SCGN: variants seen among roughly 807,000 people sequenced by gnomAD.
SCGN encodes the protein secretagogin, EF-hand calcium binding protein.
A neutral mutation model predicts 39.7 loss-of-function variants in SCGN; 30 were observed. The ratio of observed to expected loss-of-function variants is 0.76; its 90% CI spans 0.57 to 1.03. The LOEUF (loss-of-function observed/expected upper bound fraction) is 1.03. Among genes scored for constraint, SCGN ranks in the 50% least tolerant of loss-of-function variants. SCGN has a pLI of 0.00. For synonymous variants in SCGN, 106 were observed against 114.1 expected (o/e 0.93, Z 0.45); for missense variants, 353 against 349.4 (o/e 1.01, Z -0.08).
At chr6:25,673,889 T>C (rs746542395) in intron 6 of SCGN, among the ~76,000 whole-genome samples, 6 of 152,130 alleles carry the variant, frequency 3.9e-5, no homozygotes, top group Non-Finnish European at 8.8e-5. Context: ...GGCATCTGCT[T>C]TGCTTCTGAG....
rs993944860 is a variant in SCGN at position 25,652,347 on chromosome 6, C to G, written c.-57C>G. 1 of 1,374,438 alleles carries G rather than the reference C, an allele frequency of 7.3e-7. No homozygotes were observed. Among genetic ancestry groups the G allele is most frequent in the African/African-American group, 1.4e-5 (1 of 70,010 alleles). The allele number at this position is 1,374,438 out of a possible 1,614,324, so 85.1% of individuals were successfully genotyped here. On this transcript the variant is annotated 5_prime_UTR_variant, in exon 1 of 11. Transcript: ENST00000377961. ...AGTCAAGAAATACGGTGAAGGAGTC[C>G]TTCCCAAAGTTGTCTAGGTCCTTCC...
intron 6 of SCGN, among the ~76,000 whole-genome samples, chr6:25,677,907 A>G (rs1759586413): frequency 6.6e-6 from 1 of 152,194 alleles, no homozygotes; most frequent in Non-Finnish European, 1.5e-5. Context: ...TGTTTAAGAA[A>G]ATATCTATTG....
chr6:25,655,721 T>C (rs148553721), intron 2 of SCGN, among the ~76,000 whole-genome samples: 4 of 152,188 alleles, frequency 2.6e-5, no homozygotes, highest in Non-Finnish European at 4.4e-5. Flanking sequence ...TTAAATACAT[T>C]TGGGGTCTGC....
At position 25,681,255 on chromosome 6, in the gene SCGN, T is replaced by C. The variant is rs541960446; in HGVS notation, c.472-696T>C. Reference sequence around the variant, plus strand: ...GGAAAGACTCAGTGTCAACACCTTTTGCCTTCACGGAAACATGAGGTTTCT... The same window carrying C: ...GGAAAGACTCAGTGTCAACACCTTTCGCCTTCACGGAAACATGAGGTTTCT... On this transcript the variant is annotated intron_variant, in intron 6 of 10. Coordinates refer to ENST00000377961, the MANE Select transcript of SCGN (RefSeq NM_006998.4). Among the ~76,000 whole-genome samples, 3 of 152,326 alleles carry C rather than the reference T, an allele frequency of 2.0e-5. No individual in the cohort carries two copies. In the East Asian group the frequency reaches 5.8e-4, roughly 29 times the overall value.
intron 4 of SCGN, 142 bp from the exon 5 acceptor site, chr6:25,669,369 C>A: frequency 1.4e-6 from 1 of 693,138 alleles, no homozygotes. Context: ...TTGCTCTCAC[C>A]AAAGAAAGCC....
At chr6:25,693,507 A>C (rs568572426) in intron 10 of SCGN, among the ~76,000 whole-genome samples, 218 of 151,718 alleles carry the variant, frequency 1.4e-3, no homozygotes, top group African/African-American at 4.8e-3. Context: ...TTTGGAGTAC[A>C]TTTCTGAGAA....
At chr6:25,666,937 ACACT>A (rs1760433783) in intron 4 of SCGN, among the ~76,000 whole-genome samples, 1 of 152,200 alleles carries the variant, frequency 6.6e-6, no homozygotes, top group Admixed American at 6.5e-5. Context: ...GTGTTTAAAA[ACACT>A]CAGATAACAT....
intron 7 of SCGN, among the ~76,000 whole-genome samples, chr6:25,683,019 C>T (rs1759657037): frequency 6.6e-6 from 1 of 152,194 alleles, no homozygotes; most frequent in Admixed American, 6.5e-5. Context: ...GACCCCAGTA[C>T]ACTAAATGGC....
At chr6:25,687,206 T>C (rs1325237293) in intron 7 of SCGN, among the ~76,000 whole-genome samples, 1 of 152,152 alleles carries the variant, frequency 6.6e-6, no homozygotes, top group Non-Finnish European at 1.5e-5. Flanking sequence ...TAGGACCAGA[T>C]TGTCAATTTC....
intron 2 of SCGN, 145 bp from the exon 3 acceptor site, chr6:25,661,407 G>T: frequency 3.4e-6 from 2 of 580,754 alleles, no homozygotes; most frequent in South Asian, 4.4e-5. Context: ...CTACAAAAGG[G>T]TAAAATCACT....
At position 25,687,809 on chromosome 6, in the gene SCGN, T is replaced by C. The variant is rs544966113; in HGVS notation, c.528-1363T>C. On this transcript the variant is annotated intron_variant, in intron 7 of 10. Transcript: ENST00000377961. Reference sequence around the variant, plus strand: ...TGCCTCCTGCACGTTCAACAGACATTTTCCAGTGTACTATTTTAATTCCCT... The same window carrying C: ...TGCCTCCTGCACGTTCAACAGACATCTTCCAGTGTACTATTTTAATTCCCT... Among the ~76,000 whole-genome samples, 162 of 152,314 alleles carry C rather than the reference T, an allele frequency of 1.1e-3. 1 individual carries two copies. Among genetic ancestry groups the C allele is most frequent in the South Asian group, 3.1e-3 (15 of 4,824 alleles).
At chr6:25,666,165 C>A (rs1760420699) in intron 4 of SCGN, among the ~76,000 whole-genome samples, 1 of 134,320 alleles carries the variant, frequency 7.4e-6, no homozygotes, top group African/African-American at 2.9e-5. Context: ...CACTGTGAAA[C>A]CCCATCTCTA....
intron 3 of SCGN, among the ~76,000 whole-genome samples, chr6:25,664,683 C>A (rs1029576459): frequency 6.6e-6 from 1 of 152,086 alleles, no homozygotes; most frequent in Non-Finnish European, 1.5e-5. Flanking sequence ...ATGTTATAGT[C>A]ATCATTATTT....
intron 7 of SCGN, among the ~76,000 whole-genome samples, chr6:25,687,773 C>T (rs932652868): frequency 1.6e-4 from 24 of 152,134 alleles, no homozygotes; most frequent in African/African-American, 5.8e-4. Context: ...ATTCTTCTGT[C>T]CTTCCATTAC....
chr6:25,689,741 G>T (rs539279396), intron 9 of SCGN, among the ~76,000 whole-genome samples: 1 of 151,744 alleles, frequency 6.6e-6, no homozygotes, highest in Non-Finnish European at 1.5e-5. Context: ...GTTGAGAAGA[G>T]AAAAAAATGA....
chr6:25,690,708 C>A (rs34438249), intron 9 of SCGN, among the ~76,000 whole-genome samples: 29,824 of 152,144 alleles, frequency 0.2, 3,184 homozygotes, highest in Middle Eastern at 0.25. Flanking sequence ...AAATTTCAAT[C>A]TATACCTCAA....
intron 2 of SCGN, among the ~76,000 whole-genome samples, chr6:25,655,557 C>T (rs1760212706): frequency 6.6e-6 from 1 of 152,212 alleles, no homozygotes; most frequent in African/African-American, 2.4e-5. Context: ...CACTGGTGTC[C>T]TGCGCAACTG....
At chr6:25,674,060 C>T (rs1467171009) in intron 6 of SCGN, among the ~76,000 whole-genome samples, 1 of 152,122 alleles carries the variant, frequency 6.6e-6, no homozygotes, top group Non-Finnish European at 1.5e-5. Flanking sequence ...AAGGACAGCA[C>T]CAAGGGGATG....
At chr6:25,667,026 T>G (rs1161680434) in intron 4 of SCGN, among the ~76,000 whole-genome samples, 1 of 152,192 alleles carries the variant, frequency 6.6e-6, no homozygotes, top group Non-Finnish European at 1.5e-5. Context: ...TTAGTGTATG[T>G]TGTAGAAACA....
Sources: allele counts gnomAD v4.1 joint callset (sites outside exome capture counted in the v4.1 genomes callset), GRCh38; gene constraint gnomAD v4.1.1; transcripts MANE v1.5; gene names NCBI Gene and HGNC (gene_info 2026-07-23, HGNC 2026-07-21).